Variants in ELAVL1 observed in about 807,000 individuals in gnomAD.
ELAVL1 encodes ELAV like RNA binding protein 1, also known as ELAV-like protein 1.
In ELAVL1, 1 loss-of-function variant was observed where a neutral mutation model predicts 28.4. That is an observed-to-expected ratio of 0.04 (90% CI 0.01 to 0.17). The LOEUF (loss-of-function observed/expected upper bound fraction) is 0.17. ELAVL1 is among the 10% of genes least tolerant of loss of function. The pLI, the probability that ELAVL1 is intolerant of heterozygous loss-of-function variation, is 1.00. For synonymous variants in ELAVL1, 174 were observed against 183.5 expected (o/e 0.95, Z 0.42); for missense variants, 157 against 447.2 (o/e 0.35, Z 5.85).
At chr19:7,967,405 T>C (rs777606940) in intron 5 of ELAVL1, among the ~76,000 whole-genome samples, 160 bp downstream of exon 5, 2 of 152,190 alleles carry the variant, frequency 1.3e-5, no homozygotes, top group Admixed American at 6.5e-5. Flanking sequence ...TACAGACACC[T>C]TTCTGATGGA....
Position 7,991,764 on chromosome 19 carries a change from C to T in ELAVL1, c.52G>A (p.Gly18Arg), listed in dbSNP as rs941493606. 3.1e-6 allele frequency: 5 copies of T among 1,614,028 alleles called. No individual in the cohort carries two copies. Among genetic ancestry groups the T allele is most frequent in the African/African-American group, 1.3e-5 (1 of 74,902 alleles). The part of the protein sequence containing the change: ...HMAEDCRGDI[G>R]RTNLIVNYLP... ...TAGTTGACGATCAAATTCGTTCTCC[C>T]GATGTCACCCCTGCAGTCTTCGGCC... The change falls in exon 2 of 6, where the codon GGG (glycine) becomes AGG (arginine). Residue 18 changes from glycine (G) to arginine (R), a missense_variant. Around this residue, in one of 4 missense-constraint regions of ELAVL1, gnomAD observed 22 missense variants for 23.7 expected, o/e 0.93. Coordinates refer to ENST00000407627, the MANE Select transcript of ELAVL1 (RefSeq NM_001419.3).
intron 4 of ELAVL1, among the ~76,000 whole-genome samples, chr19:7,971,059 A>G (rs976531911): frequency 6.6e-6 from 1 of 152,262 alleles, no homozygotes; most frequent in East Asian, 1.9e-4. Context: ...TGCCTCCCTC[A>G]CTGCTCTGCA....
intron 1 of ELAVL1, among the ~76,000 whole-genome samples, chr19:8,000,829 G>A (rs945852853): frequency 6.6e-6 from 1 of 152,246 alleles, no homozygotes; most frequent in African/African-American, 2.4e-5. Flanking sequence ...TGAGAAGCCC[G>A]GGGCAGGAGC....
rs1274004822 is a variant in ELAVL1, at chr19:7,963,175, TA to T, written c.*307del. ...ACGCGTGTTAGACAGTCTTAGAGGT[TA>T]AAGCATGCTTCAGGTTCACCACCAT... is the stretch of plus-strand genomic sequence containing the variant. On this transcript the variant is annotated 3_prime_UTR_variant, in exon 6 of 6. Coordinates refer to ENST00000407627, the MANE Select transcript of ELAVL1 (RefSeq NM_001419.3). This position sits in a 1 kb window ranked among gnomAD's most constrained non-coding sequence, Gnocchi z 4.5. 2.9e-6 allele frequency: 1 copy of T among 340,394 alleles called. No individual in the cohort carries two copies. The highest frequency in any genetic ancestry group is 2.1e-5 in the African/African-American group (1 of 47,318). 21.1% of individuals were successfully genotyped at this position (340,394 alleles called of 1,614,324 possible).
At position 7,958,748 on chromosome 19, in the gene ELAVL1, A is replaced by AT. The variant is rs1984727095; in HGVS notation, c.*4734dup. On this transcript the variant is annotated 3_prime_UTR_variant, in exon 6 of 6. Transcript: ENST00000407627. ...CATCACTCCGTACTTCAAAAATACG[A>AT]TTTTTTGAGAGCTTTGGAAACTGAA... 1 of 152,564 alleles carries AT rather than the reference A, an allele frequency of 6.6e-6. No homozygotes were observed. Among genetic ancestry groups the AT allele is most frequent in the Non-Finnish European group, 1.5e-5 (1 of 68,038 alleles). The allele number at this position is 152,564 out of a possible 1,614,324, so 9.5% of individuals were successfully genotyped here.
At chr19:7,998,798 A>G (rs1431885341) in intron 1 of ELAVL1, among the ~76,000 whole-genome samples, 1 of 151,506 alleles carries the variant, frequency 6.6e-6, no homozygotes, top group Non-Finnish European at 1.5e-5. Context: ...GCTCACTTCT[A>G]TTTTTACTTA....
chr19:7,993,610 C>G (rs1237967851), intron 1 of ELAVL1, among the ~76,000 whole-genome samples: 2 of 152,172 alleles, frequency 1.3e-5, no homozygotes, highest in Admixed American at 6.5e-5. Context: ...GTATGCCGAG[C>G]CCGCCCTGCT....
intron 2 of ELAVL1, among the ~76,000 whole-genome samples, chr19:7,987,350 C>T (rs1003988524): frequency 1.3e-5 from 2 of 152,174 alleles, no homozygotes; most frequent in East Asian, 1.9e-4. Flanking sequence ...TCTGATCCCC[C>T]GAGGGACATA....
rs1361422167 is a variant in ELAVL1, at chr19:7,979,972, G to A, written c.276+1111C>T. 6.6e-6 allele frequency among the ~76,000 whole-genome samples: 1 copy of A among 152,180 alleles called. No individual in the cohort carries two copies. The highest frequency in any genetic ancestry group is 1.5e-5 in the Non-Finnish European group (1 of 68,014). On this transcript the variant is annotated intron_variant, in intron 3 of 5. Coordinates refer to ENST00000407627, the MANE Select transcript of ELAVL1 (RefSeq NM_001419.3). This position sits in a 1 kb window ranked among gnomAD's most constrained non-coding sequence, Gnocchi z 5.4. Reference sequence around the variant, plus strand: ...GCAGTGACTCAGGAGGCCCCCCTGTGACCATGGAATCTATATGTTACAGCT... The same window carrying A: ...GCAGTGACTCAGGAGGCCCCCCTGTAACCATGGAATCTATATGTTACAGCT...
At chr19:7,984,770 C>A (rs2145216513) in intron 2 of ELAVL1, among the ~76,000 whole-genome samples, 1 of 152,338 alleles carries the variant, frequency 6.6e-6, no homozygotes, top group African/African-American at 2.4e-5. Context: ...CTGGTTTCCA[C>A]CCGCTGGGTG....
chr19:7,968,013 A>C (rs1985000404), intron 4 of ELAVL1, among the ~76,000 whole-genome samples: 1 of 152,138 alleles, frequency 6.6e-6, no homozygotes, highest in East Asian at 1.9e-4. Context: ...TGAAGCCATG[A>C]CTCCACAGTG....
chr19:7,986,578 T>C (rs1449545184), intron 2 of ELAVL1, among the ~76,000 whole-genome samples: 1 of 152,194 alleles, frequency 6.6e-6, no homozygotes, highest in East Asian at 1.9e-4. Flanking sequence ...GAGAGCGAGT[T>C]AGCGACAGGG....
Position 7,982,628 on chromosome 19 carries a change from G to A in ELAVL1, c.173-1442C>T, listed in dbSNP as rs529785260. Among the ~76,000 whole-genome samples, 57 of 152,200 alleles carry A rather than the reference G, an allele frequency of 3.7e-4. No homozygotes were observed. The highest frequency in any genetic ancestry group is 1.2e-3 in the African/African-American group (50 of 41,526). On this transcript the variant is annotated intron_variant, in intron 2 of 5. Coordinates refer to ENST00000407627, the MANE Select transcript of ELAVL1 (RefSeq NM_001419.3). This position sits in a 1 kb window ranked among gnomAD's most constrained non-coding sequence, Gnocchi z 4.3. Reference sequence around the variant, plus strand: ...CCCAGTTTCCCCTATGGGTACCACCGCAAGTGAGTATGAAATGCTGGTGAC... The same window carrying A: ...CCCAGTTTCCCCTATGGGTACCACCACAAGTGAGTATGAAATGCTGGTGAC...
At chr19:7,973,932 G>A in intron 3 of ELAVL1, 54 bp from the exon 4 acceptor site, 1 of 1,597,142 alleles carries the variant, frequency 6.3e-7, no homozygotes. Flanking sequence ...CCAAAGCATT[G>A]AGGAGGGTGT....
chr19:7,987,437 A>G (rs1385485590), intron 2 of ELAVL1, among the ~76,000 whole-genome samples: 1 of 152,188 alleles, frequency 6.6e-6, no homozygotes, highest in East Asian at 1.9e-4. Flanking sequence ...CGGGCGCTGC[A>G]GTGGCCTCCT....
chr19:7,993,574 AG>A (rs2145224517), intron 1 of ELAVL1, among the ~76,000 whole-genome samples: 1 of 152,338 alleles, frequency 6.6e-6, no homozygotes, highest in African/African-American at 2.4e-5. Context: ...ATGACTTTGG[AG>A]AAGAGTCCAG....
intron 2 of ELAVL1, among the ~76,000 whole-genome samples, chr19:7,987,039 C>T (rs920024705): frequency 2.0e-5 from 3 of 148,070 alleles, no homozygotes; most frequent in Admixed American, 1.4e-4. Context: ...TGGGAAAGTC[C>T]GGAAGGACAT....
At chr19:8,002,106 C>T (rs1485926398) in intron 1 of ELAVL1, 1 of 1,289,412 alleles carries the variant, frequency 7.8e-7, no homozygotes. Context: ...ACTCCTGCCA[C>T]CACTACCCAT....
At chr19:7,977,121 G>A (rs1340007816) in intron 3 of ELAVL1, among the ~76,000 whole-genome samples, 1 of 152,224 alleles carries the variant, frequency 6.6e-6, no homozygotes, top group African/African-American at 2.4e-5. Context: ...GCTGCTGCGT[G>A]AGTGGAGTGC....
Sources: allele counts gnomAD v4.1 joint callset (sites outside exome capture counted in the v4.1 genomes callset), GRCh38; gene constraint gnomAD v4.1.1; regional missense constraint gnomAD v4.1.1; non-coding constraint Gnocchi (gnomAD v3.1); transcripts MANE v1.5; gene names NCBI Gene and HGNC (gene_info 2026-07-23, HGNC 2026-07-21).